The following WNT7B variants were observed in gnomAD, a reference collection of about 807,000 sequenced individuals.
WNT7B encodes the protein Wnt family member 7B.
In WNT7B, 19 loss-of-function variants were observed where a neutral mutation model predicts 38.2. The ratio of observed to expected loss-of-function variants is 0.50; its 90% CI spans 0.35 to 0.73. The LOEUF (loss-of-function observed/expected upper bound fraction) is 0.73, where lower values mean the gene tolerates loss of function less well. Among genes scored for constraint, WNT7B ranks in the 30% least tolerant of loss-of-function variants. The probability of loss-of-function intolerance (pLI) is 0.01; values close to 1 mark genes in which losing one functional copy is unlikely to be tolerated. For missense variants in WNT7B, 423 were observed against 507.9 expected, an observed-to-expected ratio of 0.83 and a Z score of 1.61; for synonymous variants, 243 against 209.3, an observed-to-expected ratio of 1.16 and a Z score of -1.39.
intron 1 of WNT7B, chr22:45,954,897 G>A (rs1932024641): frequency 2.7e-6 from 1 of 376,906 alleles, no homozygotes; most frequent in Non-Finnish European, 3.6e-6. Flanking sequence ...TTGCAGGTGT[G>A]CAGATTAGAG....
At chr22:45,948,755 C>T (rs1931855452) in intron 2 of WNT7B, among the ~76,000 whole-genome samples, 1 of 151,772 alleles carries the variant, frequency 6.6e-6, no homozygotes, top group Non-Finnish European at 1.5e-5. Flanking sequence ...AAGCTGAGGC[C>T]CTGAGCAGCC....
chr22:45,936,929 C>G (rs1931528031), intron 2 of WNT7B, among the ~76,000 whole-genome samples: 2 of 152,266 alleles, frequency 1.3e-5, no homozygotes, highest in Admixed American at 1.3e-4. Context: ...AGCTGCCACT[C>G]CTCACCATCC....
Position 45,976,766 on chromosome 22 carries a change from G to C in WNT7B, c.-12C>G. Reference sequence around the variant, plus strand: ...AAGTTTCTGTGCATGATCCAGGGAGGGGGGCTGCGCCATAGACAGCGGCGG... The same window carrying C: ...AAGTTTCTGTGCATGATCCAGGGAGCGGGGCTGCGCCATAGACAGCGGCGG... On this transcript the variant is annotated 5_prime_UTR_variant, in exon 1 of 4. Coordinates refer to ENST00000339464, the MANE Select transcript of WNT7B (RefSeq NM_058238.3). This position sits in a 1 kb window ranked among gnomAD's most constrained non-coding sequence, Gnocchi z 8.5. The C allele has an allele frequency of 6.2e-7, 1 of 1,603,820 alleles. No individual in the cohort carries two copies. Among genetic ancestry groups the C allele is most frequent in the Non-Finnish European group, 8.5e-7 (1 of 1,174,204 alleles).
rs1339744423 is a variant in WNT7B, at chr22:45,941,495, T to A, written c.298+8425A>T. Among the ~76,000 whole-genome samples, 8 of 127,032 alleles carry A rather than the reference T, an allele frequency of 6.3e-5. No individual in the cohort carries two copies. The South Asian group carries it at 1.0e-3, about 16-fold the overall frequency. The allele number at this position is 127,032 out of a possible 152,430, so 83.3% of individuals were successfully genotyped here. ...CAGTGCACTCCAGCCTGGGTGACACTCCAGCCTTTGTCTCAAAAAAAAAAA... is the reference window on the plus strand; with the variant it reads ...CAGTGCACTCCAGCCTGGGTGACACACCAGCCTTTGTCTCAAAAAAAAAAA... On this transcript the variant is annotated intron_variant, in intron 2 of 3. Coordinates refer to ENST00000339464, the MANE Select transcript of WNT7B (RefSeq NM_058238.3).
At chr22:45,931,055 G>A in intron 3 of WNT7B, 43 bp downstream of exon 3, 1 of 1,524,616 alleles carries the variant, frequency 6.6e-7, no homozygotes, top group East Asian at 2.3e-5. Context: ...GGGTGATACA[G>A]CGGTCCCAGC....
intron 2 of WNT7B, chr22:45,936,040 T>A: frequency 3.0e-6 from 3 of 985,196 alleles, no homozygotes; most frequent in Non-Finnish European, 3.6e-6. Flanking sequence ...TCCAGCAGTA[T>A]CCCTAGAAAA....
chr22:45,926,159 G>C (rs1931077695), intron 3 of WNT7B: 4 of 985,434 alleles, frequency 4.1e-6, no homozygotes, highest in South Asian at 9.4e-5. Flanking sequence ...CCTTGGGTCA[G>C]AGCCTCTCCC....
chr22:45,933,122 G>T (rs754985517), intron 2 of WNT7B, among the ~76,000 whole-genome samples: 1 of 152,304 alleles, frequency 6.6e-6, no homozygotes, highest in East Asian at 1.9e-4. Flanking sequence ...GGACTGGGAT[G>T]GGGCCCACCA....
chr22:45,972,126 C>A, intron 1 of WNT7B: 1 of 569,298 alleles, frequency 1.8e-6, no homozygotes, highest in South Asian at 1.9e-5. Context: ...GCCCACCCGC[C>A]CACCCCGCAC....
At chr22:45,931,885 T>G (rs1569112880) in intron 2 of WNT7B, among the ~76,000 whole-genome samples, 2 of 152,014 alleles carry the variant, frequency 1.3e-5, no homozygotes, top group Admixed American at 6.5e-5. Flanking sequence ...ACGGGGAGCA[T>G]GGGGGGCCTC....
intron 3 of WNT7B, chr22:45,925,202 T>C: frequency 4.1e-6 from 4 of 977,908 alleles, no homozygotes; most frequent in Non-Finnish European, 4.8e-6. Flanking sequence ...GGCTAGCAGG[T>C]GGGTGCCGGG....
chr22:45,932,192 G>T (rs757966145), intron 2 of WNT7B, among the ~76,000 whole-genome samples: 15 of 152,158 alleles, frequency 9.9e-5, no homozygotes, highest in Non-Finnish European at 1.8e-4. Context: ...CCAAGCCCAC[G>T]GCTGAGCTGG....
intron 3 of WNT7B, among the ~76,000 whole-genome samples, chr22:45,927,769 G>C (rs560610427): frequency 6.6e-6 from 1 of 152,204 alleles, no homozygotes; most frequent in Non-Finnish European, 1.5e-5. Context: ...AGTGGCACAC[G>C]CCTGTAATCC....
intron 1 of WNT7B, among the ~76,000 whole-genome samples, chr22:45,956,986 G>A (rs1041466283): frequency 5.3e-5 from 8 of 151,968 alleles, no homozygotes; most frequent in Admixed American, 1.3e-4. Context: ...TGTGCCTGTA[G>A]TCCCAGCTAC....
intron 1 of WNT7B, among the ~76,000 whole-genome samples, chr22:45,954,349 C>G (rs1932011902): frequency 6.6e-6 from 1 of 152,194 alleles, no homozygotes; most frequent in Non-Finnish European, 1.5e-5. Flanking sequence ...GATTGCACCA[C>G]ATTGTGAATG....
intron 2 of WNT7B, among the ~76,000 whole-genome samples, chr22:45,942,922 G>A (rs28450198): frequency 0.3 from 45,333 of 149,334 alleles, 8,192 homozygotes; most frequent in African/African-American, 0.48. Flanking sequence ...CAGTGTGCAC[G>A]TGTGTGCATG....
intron 3 of WNT7B, among the ~76,000 whole-genome samples, chr22:45,930,047 G>C (rs952787275): frequency 6.7e-5 from 10 of 148,644 alleles, no homozygotes; most frequent in Admixed American, 6.6e-4. Flanking sequence ...CCCTGGCCTG[G>C]TGTTCAAGAT....
Position 45,922,877 on chromosome 22 carries a change from G to A in WNT7B, c.1029C>T (p.Thr343=), listed in dbSNP as rs118189551. 866 of 1,602,630 alleles carry A rather than the reference G, an allele frequency of 5.4e-4. 8 individuals carry two copies. The East Asian group carries it at 0.014, about 26-fold the overall frequency. ...FVKCNTCSER[T]EVFTCK ...GGCCTCACTTGCAGGTGAAGACCTCGGTGCGCTCGCTGCAGGTGTTGCACT... is the reference window on the plus strand; with the variant it reads ...GGCCTCACTTGCAGGTGAAGACCTCAGTGCGCTCGCTGCAGGTGTTGCACT... Residue 343 remains threonine, a synonymous_variant, in exon 4 of 4, where the codon ACC becomes ACT. Coordinates refer to ENST00000339464, the MANE Select transcript of WNT7B (RefSeq NM_058238.3).
chr22:45,956,632 G>A (rs1932068931), intron 1 of WNT7B, among the ~76,000 whole-genome samples: 1 of 152,230 alleles, frequency 6.6e-6, no homozygotes, highest in Non-Finnish European at 1.5e-5. Context: ...TGGGTCTATA[G>A]CACAAATGGG....
Sources: gnomAD v4.1 joint callset for allele counts (sites outside exome capture counted in the v4.1 genomes callset) on GRCh38, gnomAD v4.1.1 for gene constraint, Gnocchi (gnomAD v3.1) non-coding constraint, MANE v1.5 for transcripts, NCBI Gene and HGNC (gene_info 2026-07-23, HGNC 2026-07-21) for gene names.